CPT1A: variants seen among roughly 807,000 people sequenced by gnomAD.
The protein encoded by CPT1A is carnitine palmitoyltransferase 1A.
Under a neutral mutation model 100.8 loss-of-function variants are expected in CPT1A, and 64 were observed. That is an observed-to-expected ratio of 0.63 (90% confidence interval 0.52 to 0.78). CPT1A has a LOEUF of 0.78. CPT1A is among the 30% of genes least tolerant of loss of function. The pLI is 0.00. For synonymous variants in CPT1A, 363 were observed against 396.0 expected (o/e 0.92, Z 0.99); for missense variants, 802 against 1,034.1 (o/e 0.78, Z 3.08).
intron 12 of CPT1A, among the ~76,000 whole-genome samples, chr11:68,778,687 C>A (rs1402012490): frequency 6.6e-6 from 1 of 151,022 alleles, no homozygotes; most frequent in Non-Finnish European, 1.5e-5. Context: ...CAGAACAAGA[C>A]GCCATCTCAA....
chr11:68,772,019 G>A (rs1855002944), intron 14 of CPT1A, among the ~76,000 whole-genome samples: 1 of 152,184 alleles, frequency 6.6e-6, no homozygotes, highest in East Asian at 1.9e-4. Flanking sequence ...CAAGGTTGGG[G>A]GGGCAGTGCC....
At chr11:68,815,147 T>C (rs72943266) in intron 2 of CPT1A, among the ~76,000 whole-genome samples, 187 bp downstream of exon 2, 51 of 152,310 alleles carry the variant, frequency 3.3e-4, no homozygotes, top group Non-Finnish European at 6.2e-4. Flanking sequence ...ACCTGCCTAA[T>C]GGAACTGCTC....
intron 14 of CPT1A, among the ~76,000 whole-genome samples, chr11:68,763,393 G>A (rs1261445152): frequency 6.6e-6 from 1 of 152,140 alleles, no homozygotes; most frequent in South Asian, 2.1e-4. Context: ...AAGGAATGCC[G>A]TGCACAGCAG....
chr11:68,761,403 A>G, intron 16 of CPT1A, 132 bp downstream of exon 16: 1 of 1,010,038 alleles, frequency 9.9e-7, no homozygotes, highest in Non-Finnish European at 1.5e-6. Flanking sequence ...CCATTTTATG[A>G]CAGCTACACC....
chr11:68,759,837 G>C (rs1463243942), intron 17 of CPT1A, among the ~76,000 whole-genome samples, 176 bp from the exon 18 acceptor site: 1 of 151,450 alleles, frequency 6.6e-6, no homozygotes, highest in Non-Finnish European at 1.5e-5. Flanking sequence ...AGACCAGCCC[G>C]GACAACATGG....
chr11:68,822,917 G>A (rs3019615), intron 1 of CPT1A, among the ~76,000 whole-genome samples: 17,557 of 152,126 alleles, frequency 0.12, 2,800 homozygotes, highest in African/African-American at 0.36. Flanking sequence ...AGTGGTTGCC[G>A]GGGGCTTGGA....
intron 12 of CPT1A, among the ~76,000 whole-genome samples, chr11:68,776,328 G>A (rs972625399): frequency 5.9e-5 from 9 of 152,206 alleles, no homozygotes; most frequent in Non-Finnish European, 8.8e-5. Context: ...GAGCCCAGGA[G>A]GTCATGGTTT....
chr11:68,776,752 G>A (rs1363886732), intron 12 of CPT1A, among the ~76,000 whole-genome samples: 1 of 152,158 alleles, frequency 6.6e-6, no homozygotes, highest in African/African-American at 2.4e-5. Flanking sequence ...GGCGATGCAC[G>A]CCTGTAATCC....
At chr11:68,843,293 A>G (rs1857194637), upstream of CPT1A, among the ~76,000 whole-genome samples, 1 of 151,996 alleles carries the variant, frequency 6.6e-6, no homozygotes, top group Non-Finnish European at 1.5e-5. This position sits in a 1 kb window ranked among gnomAD's most constrained non-coding sequence, Gnocchi z 4.0. Flanking sequence ...CCAAGGCTGC[A>G]TAAGATTTCC....
chr11:68,843,912 T>A (rs994849948), upstream of CPT1A, among the ~76,000 whole-genome samples: 7 of 152,182 alleles, frequency 4.6e-5, no homozygotes, highest in Admixed American at 4.6e-4. This position sits in a 1 kb window ranked among gnomAD's most constrained non-coding sequence, Gnocchi z 4.0. Context: ...TGCCCTTCCC[T>A]CCTTTCCCTG....
intron 1 of CPT1A, among the ~76,000 whole-genome samples, chr11:68,826,461 G>A (rs2003892): frequency 0.27 from 39,438 of 144,872 alleles, 6,154 homozygotes; most frequent in South Asian, 0.45. Context: ...AAGGTCAGGC[G>A]CGGTGGCTCA....
chr11:68,826,228 T>C (rs536298085), intron 1 of CPT1A, among the ~76,000 whole-genome samples: 23 of 150,386 alleles, frequency 1.5e-4, no homozygotes, highest in Non-Finnish European at 3.3e-4. Flanking sequence ...GGAGGATCAC[T>C]GTAGGTCAGG....
chr11:68,811,930 C>A (rs556712937), intron 3 of CPT1A, among the ~76,000 whole-genome samples: 3 of 149,174 alleles, frequency 2.0e-5, no homozygotes, highest in African/African-American at 7.7e-5. Flanking sequence ...AAATCCAAAA[C>A]CCTAGAGGTA....
rs979715387 is a variant in CPT1A at position 68,841,450 on chromosome 11, C to T, written c.-14+325G>A. ...AGGGAGCCGGTGGCCCCGCTGGCCC[C>T]GGGCCGGAGGCGTCCAGCCAAGTCC... On this transcript the variant is annotated intron_variant, in intron 1 of 18. Transcript: ENST00000265641. The surrounding 1 kb of genome is among the most constrained non-coding windows in gnomAD (Gnocchi z 6.3). Among the ~76,000 whole-genome samples, 1 of 147,786 alleles carries T rather than the reference C, an allele frequency of 6.8e-6. No individual in the cohort carries two copies. Among genetic ancestry groups the T allele is most frequent in the Admixed American group, 6.7e-5 (1 of 14,940 alleles).
intron 8 of CPT1A, among the ~76,000 whole-genome samples, chr11:68,793,612 G>A (rs1361831494): frequency 1.3e-5 from 2 of 152,032 alleles, no homozygotes; most frequent in African/African-American, 4.8e-5. Flanking sequence ...CGGGCATGGT[G>A]TCGGGTGCCT....
intron 10 of CPT1A, among the ~76,000 whole-genome samples, chr11:68,783,484 G>A (rs1855370685): frequency 6.6e-6 from 1 of 152,102 alleles, no homozygotes. Context: ...CCCACCCTCT[G>A]CAAGACACAG....
chr11:68,816,986 C>CGTGGGTGTGT (rs1856429479), intron 1 of CPT1A, among the ~76,000 whole-genome samples: 1 of 33,910 alleles, frequency 2.9e-5, no homozygotes, highest in Non-Finnish European at 5.2e-5. Context: ...TGGGGGGGTG[C>CGTGGGTGTGT]GTGGGTGTGT....
Position 68,776,991 on chromosome 11 carries a change from G to A in CPT1A, c.1459-1559C>T, listed in dbSNP as rs148569469. On this transcript the variant is annotated intron_variant, in intron 12 of 18. Transcript: ENST00000265641. The stretch of plus-strand genomic sequence containing the variant: ...GGTCGGGGTGACTGTCGGCTGGCGA[G>A]GCGGCGGGGCGGGTGGAAGGTGCCG... Among the ~76,000 whole-genome samples, 31 of 152,336 alleles carry A rather than the reference G, an allele frequency of 2.0e-4. No homozygotes were observed. In the East Asian group the frequency reaches 5.4e-3, roughly 27 times the overall value.
intron 3 of CPT1A, among the ~76,000 whole-genome samples, chr11:68,811,173 C>T (rs1856194077): frequency 6.6e-6 from 1 of 152,166 alleles, no homozygotes; most frequent in Admixed American, 6.6e-5. Context: ...GTGCCTTCCA[C>T]CTGCAATTCC....
Sources: gnomAD v4.1 joint callset for allele counts (sites outside exome capture counted in the v4.1 genomes callset) on GRCh38, gnomAD v4.1.1 for gene constraint, Gnocchi (gnomAD v3.1) non-coding constraint, MANE v1.5 for transcripts, NCBI Gene and HGNC (gene_info 2026-07-23, HGNC 2026-07-21) for gene names.